Variants in EPN2 observed in about 807,000 individuals in gnomAD.
EPN2 encodes the protein epsin-2.
Under a neutral mutation model 61.7 loss-of-function variants are expected in EPN2, and 34 were observed. The observed-to-expected ratio is 0.55, with a 90% CI of 0.42 to 0.73. The LOEUF is 0.73. Ranked by LOEUF, EPN2 falls within the 30% of genes least tolerant of loss-of-function variation. The pLI is 0.00. For synonymous variants in EPN2, 349 were observed against 353.6 expected (o/e 0.99, Z 0.15); for missense variants, 714 against 839.2 (o/e 0.85, Z 1.84).
intron 1 of EPN2, among the ~76,000 whole-genome samples, chr17:19,280,573 G>T (rs185732255): frequency 9.4e-4 from 143 of 152,304 alleles, no homozygotes; most frequent in Non-Finnish European, 1.8e-3. Flanking sequence ...TGGAGAGAAG[G>T]CCTCCTTGGC....
intron 1 of EPN2, among the ~76,000 whole-genome samples, chr17:19,261,386 T>A (rs2045140322): frequency 6.6e-6 from 1 of 152,274 alleles, no homozygotes; most frequent in East Asian, 1.9e-4. Context: ...ATTTATAGTT[T>A]TCTGTGGACA....
intron 7 of EPN2, among the ~76,000 whole-genome samples, chr17:19,320,492 C>A (rs1457212921): frequency 2.6e-5 from 4 of 152,146 alleles, no homozygotes; most frequent in Non-Finnish European, 4.4e-5. Context: ...GCACCCAGAG[C>A]TCAGTGTTTC....
chr17:19,239,907 T>C (rs2044864615), intron 1 of EPN2, among the ~76,000 whole-genome samples: 1 of 152,194 alleles, frequency 6.6e-6, no homozygotes, highest in Non-Finnish European at 1.5e-5. Flanking sequence ...ACTAACCCTC[T>C]TCCATAATGA....
intron 1 of EPN2, among the ~76,000 whole-genome samples, chr17:19,261,435 A>C (rs1567845862): frequency 1.3e-5 from 2 of 151,996 alleles, no homozygotes; most frequent in South Asian, 2.1e-4. Context: ...GTTTTTTCTC[A>C]ATTTCTGAAG....
At chr17:19,328,123 C>G (rs1778512103) in intron 7 of EPN2, among the ~76,000 whole-genome samples, 1 of 151,882 alleles carries the variant, frequency 6.6e-6, no homozygotes, top group African/African-American at 2.4e-5. Flanking sequence ...TTTGTCACTC[C>G]CTGTTTGAAA....
At chr17:19,327,208 A>G (rs1039168767) in intron 7 of EPN2, among the ~76,000 whole-genome samples, 8 of 152,210 alleles carry the variant, frequency 5.3e-5, no homozygotes, top group African/African-American at 1.9e-4. Flanking sequence ...AACAAGCAGC[A>G]AAACCAAACG....
At chr17:19,237,866 T>C (rs1286007467) in intron 1 of EPN2, among the ~76,000 whole-genome samples, 1 of 152,060 alleles carries the variant, frequency 6.6e-6, no homozygotes, top group Non-Finnish European at 1.5e-5. Flanking sequence ...CTACCTCGGA[T>C]CCTGGAGCCC....
At chr17:19,269,463 T>G (rs1001813946) in intron 1 of EPN2, among the ~76,000 whole-genome samples, 2 of 152,234 alleles carry the variant, frequency 1.3e-5, no homozygotes, top group Non-Finnish European at 2.9e-5. Flanking sequence ...GTGACTGATT[T>G]AGTAGAAGAC....
intron 7 of EPN2, among the ~76,000 whole-genome samples, chr17:19,320,636 G>T (rs1198738680): frequency 6.6e-6 from 1 of 152,206 alleles, no homozygotes; most frequent in Non-Finnish European, 1.5e-5. Flanking sequence ...AGCTTCCCAA[G>T]AAGAACCATG....
chr17:19,250,706 C>T (rs56044878), intron 1 of EPN2, among the ~76,000 whole-genome samples: 1,588 of 152,224 alleles, frequency 0.01, 23 homozygotes, highest in African/African-American at 0.035. Flanking sequence ...CACATGGTGC[C>T]TGCTTATTTC....
chr17:19,278,330 TG>T (rs2045328695), intron 1 of EPN2, among the ~76,000 whole-genome samples: 1 of 151,952 alleles, frequency 6.6e-6, no homozygotes, highest in South Asian at 2.1e-4. Context: ...TACCCGAGAC[TG>T]GGAAGAAAAG....
chr17:19,265,039 G>A (rs1364169035), intron 1 of EPN2, among the ~76,000 whole-genome samples: 4 of 152,028 alleles, frequency 2.6e-5, no homozygotes, highest in African/African-American at 7.3e-5. Flanking sequence ...TGATAGGTTC[G>A]GTTTTGTCCT....
At position 19,329,595 on chromosome 17, in the gene EPN2, A is replaced by C. The variant is rs1907062551; in HGVS notation, c.1359A>C (p.Thr453=). ...SFELFSNLNG[T]IKDDFSEFDN... The stretch of plus-strand genomic sequence containing the variant: ...AGCTCTTCAGTAATCTGAATGGTAC[A>C]ATTAAAGATGACTTTTCTGAATTTG... The change falls in exon 9 of 11, where the codon ACA becomes ACC. Residue 453 remains threonine (T), a synonymous_variant. Transcript: ENST00000314728. 1 of 1,613,670 alleles carries C rather than the reference A, an allele frequency of 6.2e-7. No homozygotes were observed. Among genetic ancestry groups the C allele is most frequent in the Non-Finnish European group, 8.5e-7 (1 of 1,179,592 alleles).
At chr17:19,276,997 G>T (rs2045313781) in intron 1 of EPN2, among the ~76,000 whole-genome samples, 2 of 152,088 alleles carry the variant, frequency 1.3e-5, no homozygotes, top group African/African-American at 2.4e-5. Flanking sequence ...ATGTGCATTA[G>T]TTCAGTCTCA....
chr17:19,248,507 T>C (rs1180278209), intron 1 of EPN2: 2 of 152,220 alleles, frequency 1.3e-5, no homozygotes, highest in African/African-American at 4.8e-5. Context: ...TTATTAAAGA[T>C]AGTTGTAATG....
At chr17:19,280,545 C>A (rs1332963927) in intron 1 of EPN2, among the ~76,000 whole-genome samples, 3 of 152,150 alleles carry the variant, frequency 2.0e-5, no homozygotes, top group African/African-American at 7.2e-5. Context: ...GAGTCAGATT[C>A]CTTGACATAT....
intron 1 of EPN2, among the ~76,000 whole-genome samples, chr17:19,239,288 C>T (rs1187355939): frequency 6.6e-6 from 1 of 152,172 alleles, no homozygotes; most frequent in East Asian, 1.9e-4. Flanking sequence ...GCTGGGATTA[C>T]AGGCGCACGC....
chr17:19,296,049 A>G lies in EPN2; in HGVS notation c.766+10259A>G, dbSNP rs918147525. ...TGACTGCTAATGGAAAGCTTAGTCC[A>G]GCTTAGTCCAGCTTGCAGTGGGATA... On this transcript the variant is annotated intron_variant, in intron 4 of 10. Coordinates refer to ENST00000314728, the MANE Select transcript of EPN2 (RefSeq NM_014964.5). Among the ~76,000 whole-genome samples, 9 of 152,328 alleles carry G rather than the reference A, an allele frequency of 5.9e-5. No individual in the cohort carries two copies. The East Asian group carries it at 1.7e-3, about 29-fold the overall frequency.
chr17:19,246,767 C>CTTT lies in EPN2; in HGVS notation c.-294+9253_-294+9255dup, dbSNP rs377094702. Among the ~76,000 whole-genome samples the CTTT allele has an allele frequency of 3.1e-4, 34 of 109,562 alleles. 1 individual carries two copies. Among genetic ancestry groups the CTTT allele is most frequent in the South Asian group, 1.2e-3 (3 of 2,602 alleles). 71.9% of individuals were successfully genotyped at this position (109,562 alleles called of 152,430 possible). A position where few individuals can be genotyped will look rare whatever the true frequency, so the allele number is the denominator to read the frequency against. Reference sequence around the variant, plus strand: ...CTGAAAGCAAGTCCTCCCTGTGTGCCTTTTTTTTTTTTTTTTTTTGAAGCG... The same window carrying CTTT: ...CTGAAAGCAAGTCCTCCCTGTGTGCCTTTTTTTTTTTTTTTTTTTTTTGAAGCG... On this transcript the variant is annotated intron_variant, in intron 1 of 10. Coordinates refer to ENST00000314728, the MANE Select transcript of EPN2 (RefSeq NM_014964.5).
Sources: gnomAD v4.1 joint callset for allele counts (sites outside exome capture counted in the v4.1 genomes callset) on GRCh38, gnomAD v4.1.1 for gene constraint, MANE v1.5 for transcripts, NCBI Gene and HGNC (gene_info 2026-07-23, HGNC 2026-07-21) for gene names.